The following XRCC4 variants were observed in gnomAD, a reference collection of about 807,000 sequenced individuals.
XRCC4 encodes the protein X-ray repair cross complementing 4, also known as DNA repair protein XRCC4.
A neutral mutation model predicts 39.1 loss-of-function variants in XRCC4; 28 were observed. The ratio of observed to expected loss-of-function variants is 0.72; its 90% CI spans 0.53 to 0.98. The LOEUF (loss-of-function observed/expected upper bound fraction) is 0.98. XRCC4 is among the 50% of genes least tolerant of loss of function. The pLI is 0.00. For missense variants in XRCC4, 350 were observed against 376.4 expected (o/e 0.93, Z 0.58); for synonymous variants, 123 against 126.4 (o/e 0.97, Z 0.18).
chr5:83,203,067 A>G (rs558694747), intron 4 of XRCC4, among the ~76,000 whole-genome samples: 1 of 152,116 alleles, frequency 6.6e-6, no homozygotes, highest in African/African-American at 2.4e-5. Context: ...GCTCGCTTAT[A>G]AGAATATAAC....
At chr5:83,356,528 AGATT>A (rs1561490351), downstream of XRCC4, among the ~76,000 whole-genome samples, 2 of 152,270 alleles carry the variant, frequency 1.3e-5, no homozygotes, top group East Asian at 1.9e-4. Flanking sequence ...GCTGTGTGTC[AGATT>A]GATTGAGTTG....
intron 1 of XRCC4, among the ~76,000 whole-genome samples, chr5:83,089,861 A>G (rs1217517934): frequency 1.3e-5 from 2 of 152,226 alleles, no homozygotes; most frequent in African/African-American, 4.8e-5. Flanking sequence ...CACAGAAATC[A>G]GAAAAATATT....
intron 3 of XRCC4, among the ~76,000 whole-genome samples, chr5:83,116,967 T>G (rs1746755233): frequency 6.6e-6 from 1 of 152,146 alleles, no homozygotes; most frequent in Admixed American, 6.5e-5. Context: ...AATTTTTAGC[T>G]TGTTTGTCAA....
At chr5:83,152,218 T>C (rs534991885) in intron 3 of XRCC4, among the ~76,000 whole-genome samples, 1 of 152,382 alleles carries the variant, frequency 6.6e-6, no homozygotes, top group Admixed American at 6.5e-5. Flanking sequence ...TTAGTCAAAT[T>C]AAAAAGATAT....
intron 7 of XRCC4, among the ~76,000 whole-genome samples, chr5:83,311,355 T>C (rs933574902): frequency 4.6e-5 from 7 of 152,170 alleles, no homozygotes; most frequent in African/African-American, 9.7e-5. Flanking sequence ...TAGAAGAGAA[T>C]TAATTTGAAT....
intron 7 of XRCC4, among the ~76,000 whole-genome samples, chr5:83,274,339 C>G (rs906077564): frequency 2.6e-5 from 4 of 152,100 alleles, no homozygotes; most frequent in African/African-American, 9.7e-5. Context: ...TACAAATTAT[C>G]AAGTGTTGTG....
intron 3 of XRCC4, among the ~76,000 whole-genome samples, chr5:83,118,772 G>T (rs924871073): frequency 6.6e-6 from 1 of 152,134 alleles, no homozygotes; most frequent in Non-Finnish European, 1.5e-5. Flanking sequence ...GATATCAATG[G>T]TCAACTAGCA....
chr5:83,164,350 C>A (rs938160395), intron 3 of XRCC4, among the ~76,000 whole-genome samples: 3 of 152,082 alleles, frequency 2.0e-5, no homozygotes, highest in African/African-American at 7.2e-5. Context: ...TTCAATAAAT[C>A]ATTCCTTATA....
intron 1 of XRCC4, among the ~76,000 whole-genome samples, chr5:83,082,412 T>C (rs1744985361): frequency 6.6e-6 from 1 of 152,194 alleles, no homozygotes; most frequent in East Asian, 1.9e-4. Flanking sequence ...TTTTGATAAA[T>C]GCACCGTGGT....
intron 3 of XRCC4, among the ~76,000 whole-genome samples, chr5:83,177,441 T>TG (rs796173628): frequency 0.057 from 3,032 of 52,972 alleles, 86 homozygotes; most frequent in African/African-American, 0.15. Context: ...TTAATACCTT[T>TG]TTTTTTTTTT....
intron 7 of XRCC4, chr5:83,280,207 A>T (rs1485638616): frequency 7.0e-6 from 2 of 284,664 alleles, no homozygotes. Flanking sequence ...CACCAAGGTT[A>T]CTACTGATGT....
intron 3 of XRCC4, among the ~76,000 whole-genome samples, chr5:83,158,600 T>A (rs570062253): frequency 6.7e-4 from 102 of 152,210 alleles, no homozygotes; most frequent in African/African-American, 2.4e-3. Context: ...AAGTAATTCA[T>A]GAATAGACAA....
chr5:83,189,772 CA>C (rs1474740493), intron 3 of XRCC4, among the ~76,000 whole-genome samples: 1 of 152,074 alleles, frequency 6.6e-6, no homozygotes, highest in African/African-American at 2.4e-5. Flanking sequence ...AAATCTAAAA[CA>C]AACATTTCAG....
intron 7 of XRCC4, among the ~76,000 whole-genome samples, chr5:83,272,592 C>A (rs1423243717): frequency 2.0e-5 from 3 of 152,004 alleles, no homozygotes; most frequent in Admixed American, 2.0e-4. Context: ...CCCCACCCCA[C>A]GACAGGCCAC....
At chr5:83,343,488 GTGA>G (rs1379694241) in intron 7 of XRCC4, among the ~76,000 whole-genome samples, 1 of 152,100 alleles carries the variant, frequency 6.6e-6, no homozygotes, top group Non-Finnish European at 1.5e-5. Context: ...TTTATAGTGG[GTGA>G]GACTCATTAG....
At chr5:83,120,888 G>A (rs1746978812) in intron 3 of XRCC4, among the ~76,000 whole-genome samples, 1 of 152,108 alleles carries the variant, frequency 6.6e-6, no homozygotes, top group African/African-American at 2.4e-5. Context: ...TAATCAAGAT[G>A]ATAAATCCTC....
intron 6 of XRCC4, among the ~76,000 whole-genome samples, chr5:83,246,515 C>T (rs1290353705): frequency 4.6e-5 from 7 of 152,084 alleles, no homozygotes. Flanking sequence ...TTATATTCTA[C>T]TTATATAATC....
At chr5:83,286,087 G>A (rs1298154270) in intron 7 of XRCC4, among the ~76,000 whole-genome samples, 1 of 152,086 alleles carries the variant, frequency 6.6e-6, no homozygotes, top group Admixed American at 6.6e-5. Flanking sequence ...AGGTTCTAAA[G>A]ATGGAATAAT....
At chr5:83,111,561 TAAAATCAATC>T (rs528854499) in intron 3 of XRCC4, among the ~76,000 whole-genome samples, 59 of 101,078 alleles carry the variant, frequency 5.8e-4, no homozygotes, top group Non-Finnish European at 9.2e-4. Flanking sequence ...TTTTAAGAAA[TAAAATCAATC>T]AAAATATATC....
Sources: gnomAD v4.1 joint callset for allele counts (sites outside exome capture counted in the v4.1 genomes callset) on GRCh38, gnomAD v4.1.1 for gene constraint, MANE v1.5 for transcripts, NCBI Gene and HGNC (gene_info 2026-07-23, HGNC 2026-07-21) for gene names.